Variants in DPP4 observed in about 807,000 individuals in gnomAD.
The protein encoded by DPP4 is dipeptidyl peptidase 4.
DPP4 carries 93 observed loss-of-function variants against 122.4 expected under a neutral mutation model. That is an observed-to-expected ratio of 0.76 (90% CI 0.64 to 0.90). DPP4 has a LOEUF of 0.90. Among genes scored for constraint, DPP4 ranks in the 40% least tolerant of loss-of-function variants. The probability of loss-of-function intolerance (pLI) is 0.00; values close to 1 mark genes in which losing one functional copy is unlikely to be tolerated. For synonymous variants in DPP4, 321 were observed against 302.9 expected, an observed-to-expected ratio of 1.06 and a Z score of -0.62; for missense variants, 914 against 907.3, an observed-to-expected ratio of 1.01 and a Z score of -0.09.
rs142600908 is a variant in DPP4 at position 161,994,996 on chromosome 2, C to T, written c.2164G>A (p.Ala722Thr). 2.5e-6 allele frequency: 4 copies of T among 1,613,930 alleles called. No individual in the cohort carries two copies. Among genetic ancestry groups the T allele is most frequent in the Non-Finnish European group, 3.4e-6 (4 of 1,179,990 alleles). ...AAATCCACTCCAACATCGACCAGGGCTTTGGAGATCTGAGCTGACTGCTGA... is the reference window on the plus strand; with the variant it reads ...AAATCCACTCCAACATCGACCAGGGTTTTGGAGATCTGAGCTGACTGCTGA... ...HFQQSAQISKALVDVGVDFQA... is the reference protein window; with the variant it reads ...HFQQSAQISKTLVDVGVDFQA... Residue 722 changes from alanine to threonine, a missense_variant, in exon 25 of 26, where the codon GCC becomes ACC. Physicochemically the swap from Ala to Thr is moderately conservative, Grantham distance 58. Coordinates refer to ENST00000360534, the MANE Select transcript of DPP4 (RefSeq NM_001935.4).
chr2:161,996,175 T>G (rs1250742279), intron 23 of DPP4, among the ~76,000 whole-genome samples: 1 of 152,200 alleles, frequency 6.6e-6, no homozygotes, highest in Non-Finnish European at 1.5e-5. Flanking sequence ...AAAAAGCCAT[T>G]TGAAATCATC....
chr2:162,000,440 C>T (rs1274248637), intron 23 of DPP4, among the ~76,000 whole-genome samples: 1 of 152,142 alleles, frequency 6.6e-6, no homozygotes, highest in Non-Finnish European at 1.5e-5. Flanking sequence ...ACACTGGCTT[C>T]TTTAAAGATC....
rs147703393 is a variant in DPP4 at position 162,060,077 on chromosome 2, A to G, written c.95-12576T>C. Among the ~76,000 whole-genome samples the G allele has an allele frequency of 8.5e-5, 13 of 152,306 alleles. No homozygotes were observed. In the East Asian group the frequency reaches 2.5e-3, roughly 29 times the overall value. On this transcript the variant is annotated intron_variant, in intron 2 of 25. Transcript: ENST00000360534. ...ACCAAAGCCACATTTGGACCAGGCA[A>G]TATGGCGCCAAAGCCTGTGGTTACA...
intron 1 of DPP4, 52 bp downstream of exon 1, chr2:162,073,924 G>T (rs1685215792): frequency 1.1e-5 from 17 of 1,606,286 alleles, no homozygotes; most frequent in Non-Finnish European, 1.3e-5. Flanking sequence ...GGGGAGTTTG[G>T]CGAAGAGGTC....
chr2:162,065,103 A>C (rs1353163491), intron 2 of DPP4, among the ~76,000 whole-genome samples: 1 of 152,204 alleles, frequency 6.6e-6, no homozygotes, highest in African/African-American at 2.4e-5. Flanking sequence ...CCAACCTGAG[A>C]AAGGTGAGTC....
intron 22 of DPP4, 51 bp from the exon 23 acceptor site, chr2:162,005,860 T>G: frequency 6.7e-7 from 1 of 1,488,292 alleles, no homozygotes; most frequent in Non-Finnish European, 9.2e-7. Flanking sequence ...AATAACAACT[T>G]TTCTTGCTTT....
At chr2:162,021,025 T>C (rs1287857282) in intron 12 of DPP4, among the ~76,000 whole-genome samples, 4 of 152,346 alleles carry the variant, frequency 2.6e-5, no homozygotes, top group East Asian at 1.9e-4. Context: ...AAAATAGCAT[T>C]AACCTTTCAG....
Position 162,004,602 on chromosome 2 carries a change from C to T in DPP4, c.2052+1143G>A, listed in dbSNP as rs574812763. On this transcript the variant is annotated intron_variant, in intron 23 of 25. Coordinates refer to ENST00000360534, the MANE Select transcript of DPP4 (RefSeq NM_001935.4). ...AGCTCCCTGCACACACACACACACA[C>T]GCACACACACACATACACCTTACTC... Among the ~76,000 whole-genome samples the T allele has an allele frequency of 9.9e-5, 15 of 151,780 alleles. No homozygotes were observed. The South Asian group carries it at 2.5e-3, about 25-fold the overall frequency.
intron 2 of DPP4, among the ~76,000 whole-genome samples, chr2:162,070,395 G>A (rs776970817): frequency 8.5e-5 from 13 of 152,180 alleles, no homozygotes; most frequent in Non-Finnish European, 1.3e-4. Context: ...CATTTCACAT[G>A]GAAATGCTTG....
chr2:162,048,034 G>A (rs1027749287), intron 2 of DPP4, among the ~76,000 whole-genome samples: 8 of 152,050 alleles, frequency 5.3e-5, no homozygotes, highest in African/African-American at 1.9e-4. Flanking sequence ...GTGTGGCCAG[G>A]TGTTCAACGA....
intron 22 of DPP4, among the ~76,000 whole-genome samples, chr2:162,007,054 T>A (rs1433286826): frequency 6.6e-6 from 1 of 152,060 alleles, no homozygotes; most frequent in African/African-American, 2.4e-5. Context: ...CAAAATATTG[T>A]CCTCCAAAAT....
At chr2:162,036,699 C>T (rs1322227357) in intron 8 of DPP4, among the ~76,000 whole-genome samples, 1 of 152,166 alleles carries the variant, frequency 6.6e-6, no homozygotes, top group East Asian at 1.9e-4. Context: ...CTGATCTATA[C>T]ACTCTTATGT....
intron 23 of DPP4, among the ~76,000 whole-genome samples, chr2:161,996,266 G>A (rs962739204): frequency 2.0e-5 from 3 of 152,202 alleles, no homozygotes; most frequent in African/African-American, 7.2e-5. Flanking sequence ...ATACTGTAGT[G>A]CCTTTGGGAG....
intron 16 of DPP4, 139 bp downstream of exon 16, chr2:162,018,590 G>A (rs1683002891): frequency 1.8e-6 from 2 of 1,103,820 alleles, no homozygotes; most frequent in Non-Finnish European, 1.3e-6. Flanking sequence ...GATTGTTTAT[G>A]CTCACTACTT....
At chr2:162,015,646 C>T (rs1175842172) in intron 18 of DPP4, among the ~76,000 whole-genome samples, 1 of 151,968 alleles carries the variant, frequency 6.6e-6, no homozygotes, top group African/African-American at 2.4e-5. Flanking sequence ...ACCTTTCATC[C>T]CTCCTTTCTG....
chr2:162,017,277 A>G (rs1301636794), intron 16 of DPP4, 122 bp from the exon 17 acceptor site: 4 of 785,808 alleles, frequency 5.1e-6, no homozygotes, highest in Non-Finnish European at 6.1e-6. Flanking sequence ...TAAATATTAT[A>G]ATGCATAAGA....
chr2:162,019,966 A>C (rs934250723), intron 14 of DPP4, among the ~76,000 whole-genome samples: 17 of 152,314 alleles, frequency 1.1e-4, no homozygotes, highest in African/African-American at 4.1e-4. Context: ...GGCGTTCCAC[A>C]ACGTTCATGT....
chr2:162,037,717 T>C (rs895174008), intron 8 of DPP4, among the ~76,000 whole-genome samples: 1 of 152,144 alleles, frequency 6.6e-6, no homozygotes, highest in Non-Finnish European at 1.5e-5. Context: ...TTTCGACAAC[T>C]CTGTATCCTA....
At chr2:162,055,914 T>C (rs1326475541) in intron 2 of DPP4, among the ~76,000 whole-genome samples, 1 of 152,184 alleles carries the variant, frequency 6.6e-6, no homozygotes, top group Non-Finnish European at 1.5e-5. Context: ...CTCCTTCTCC[T>C]CCTCTTTTGC....
Sources: allele counts gnomAD v4.1 joint callset (sites outside exome capture counted in the v4.1 genomes callset), GRCh38; gene constraint gnomAD v4.1.1; transcripts MANE v1.5; gene names NCBI Gene and HGNC (gene_info 2026-07-23, HGNC 2026-07-21).